PRDM5: variants seen among roughly 807,000 people sequenced by gnomAD.
The protein encoded by PRDM5 is PR domain zinc finger protein 5.
A neutral mutation model predicts 81.2 loss-of-function variants in PRDM5; 56 were observed. The observed-to-expected ratio is 0.69, with a 90% CI of 0.56 to 0.86. The LOEUF is 0.86. Ranked by LOEUF, PRDM5 falls within the 40% of genes least tolerant of loss-of-function variation. The pLI, the probability that PRDM5 is intolerant of heterozygous loss-of-function variation, is 0.00. For missense variants in PRDM5, 697 were observed against 770.1 expected (o/e 0.91, Z 1.12); for synonymous variants, 267 against 256.4 (o/e 1.04, Z -0.39).
At chr4:120,805,444 A>C (rs1342341362) in intron 8 of PRDM5, among the ~76,000 whole-genome samples, 1 of 152,212 alleles carries the variant, frequency 6.6e-6, no homozygotes, top group Non-Finnish European at 1.5e-5. Flanking sequence ...TCGATGCAAA[A>C]ATCCTCGATA....
intron 13 of PRDM5, among the ~76,000 whole-genome samples, chr4:120,775,015 T>C (rs1246035058): frequency 6.6e-6 from 1 of 150,548 alleles, no homozygotes; most frequent in Non-Finnish European, 1.5e-5. Context: ...CAAACACATA[T>C]ATATATAATT....
downstream of PRDM5, among the ~76,000 whole-genome samples, chr4:120,684,705 AT>A (rs1733772799): frequency 6.6e-6 from 1 of 151,994 alleles, no homozygotes; most frequent in South Asian, 2.1e-4. Flanking sequence ...ATTTTATAAT[AT>A]TTCACTACTG....
At chr4:120,898,574 A>C (rs1764908469) in intron 2 of PRDM5, among the ~76,000 whole-genome samples, 1 of 152,070 alleles carries the variant, frequency 6.6e-6, no homozygotes, top group African/African-American at 2.4e-5. Context: ...TCTCTCCAAA[A>C]TTATCACCTC....
chr4:120,809,382 T>TA lies in PRDM5; in HGVS notation c.945+1987dup, dbSNP rs1265350302. ...CGTTGTGCACATGTTCCCTAGAACT[T>TA]AAAGTATAATAAAAAAATACTTTTA... On this transcript the variant is annotated intron_variant, in intron 8 of 15. Coordinates refer to ENST00000264808, the MANE Select transcript of PRDM5 (RefSeq NM_018699.4). 2.0e-5 allele frequency among the ~76,000 whole-genome samples: 3 copies of TA among 151,296 alleles called. No homozygotes were observed. In the Admixed American group the frequency reaches 2.0e-4, roughly 10 times the overall value.
downstream of PRDM5, among the ~76,000 whole-genome samples, chr4:120,690,783 C>T (rs1257163863): frequency 6.6e-6 from 1 of 151,992 alleles, no homozygotes; most frequent in African/African-American, 2.4e-5. Flanking sequence ...TACAGTTTCC[C>T]TTGTCAGGAG....
chr4:120,716,426 C>G (rs1454590420), intron 14 of PRDM5, among the ~76,000 whole-genome samples: 3 of 152,230 alleles, frequency 2.0e-5, no homozygotes, highest in Non-Finnish European at 4.4e-5. Flanking sequence ...TACCTAGAAC[C>G]ATTTAAAGCC....
intron 14 of PRDM5, 55 bp downstream of exon 14, chr4:120,754,498 T>C: frequency 8.0e-7 from 1 of 1,255,412 alleles, no homozygotes; most frequent in Non-Finnish European, 1.1e-6. Context: ...TATATTTCTT[T>C]TAAAATAAGT....
chr4:120,898,367 A>G (rs1435800796), intron 2 of PRDM5, among the ~76,000 whole-genome samples: 1 of 152,224 alleles, frequency 6.6e-6, no homozygotes, highest in Non-Finnish European at 1.5e-5. Context: ...AGGAGACAGC[A>G]ATATTTTTTA....
intron 2 of PRDM5, among the ~76,000 whole-genome samples, chr4:120,881,600 T>A (rs952458348): frequency 6.6e-6 from 1 of 152,198 alleles, no homozygotes; most frequent in African/African-American, 2.4e-5. Flanking sequence ...ATGAGAAAAC[T>A]AACCATATAA....
chr4:120,790,122 T>C (rs902183721), intron 10 of PRDM5, among the ~76,000 whole-genome samples: 2 of 152,186 alleles, frequency 1.3e-5, no homozygotes, highest in Non-Finnish European at 2.9e-5. Flanking sequence ...AACTCATGTC[T>C]CTAATTAAGG....
chr4:120,812,084 T>C (rs1173418879), intron 7 of PRDM5, among the ~76,000 whole-genome samples: 1 of 152,162 alleles, frequency 6.6e-6, no homozygotes, highest in Non-Finnish European at 1.5e-5. Flanking sequence ...ATGAGTTTAA[T>C]AGTTTTAATT....
intron 2 of PRDM5, among the ~76,000 whole-genome samples, chr4:120,884,765 T>G (rs905589815): frequency 2.6e-5 from 4 of 152,158 alleles, no homozygotes; most frequent in Admixed American, 1.3e-4. Flanking sequence ...ATATACCTAC[T>G]CTTTCCTATG....
intron 10 of PRDM5, among the ~76,000 whole-genome samples, chr4:120,785,869 T>A (rs940108020): frequency 1.3e-5 from 2 of 151,800 alleles, no homozygotes; most frequent in African/African-American, 4.8e-5. Flanking sequence ...CAAGAAACAA[T>A]GAAAAGCCAC....
At chr4:120,717,076 A>AAC (rs986122746) in intron 14 of PRDM5, among the ~76,000 whole-genome samples, 3 of 152,110 alleles carry the variant, frequency 2.0e-5, no homozygotes. Flanking sequence ...AAAAAAAAAA[A>AAC]AAACTTCATT....
chr4:120,812,821 A>G (rs1754026910), intron 7 of PRDM5: 1 of 317,350 alleles, frequency 3.2e-6, no homozygotes, highest in South Asian at 2.7e-5. Context: ...AATACTGTAT[A>G]GTATTAAAAG....
At chr4:120,746,018 C>T (rs1272856096) in intron 14 of PRDM5, among the ~76,000 whole-genome samples, 1 of 148,394 alleles carries the variant, frequency 6.7e-6, no homozygotes, top group East Asian at 2.0e-4. Flanking sequence ...CATCACACTA[C>T]CTGACTTCAA....
chr4:120,845,090 C>T (rs934632737), intron 3 of PRDM5, among the ~76,000 whole-genome samples: 1 of 152,094 alleles, frequency 6.6e-6, no homozygotes, highest in Non-Finnish European at 1.5e-5. Context: ...TGGATGCTAG[C>T]AGAATTATGA....
At chr4:120,913,383 T>C (rs1766738488) in intron 1 of PRDM5, among the ~76,000 whole-genome samples, 1 of 152,232 alleles carries the variant, frequency 6.6e-6, no homozygotes, top group Non-Finnish European at 1.5e-5. Flanking sequence ...ATCTGCCAGC[T>C]TCCTGTTAGA....
chr4:120,745,371 C>A (rs1388431144), intron 14 of PRDM5, among the ~76,000 whole-genome samples: 3 of 126,052 alleles, frequency 2.4e-5, no homozygotes, highest in Non-Finnish European at 4.9e-5. Context: ...AAAACTGGCA[C>A]AAGACAGGGA....
Sources: gnomAD v4.1 joint callset for allele counts (sites outside exome capture counted in the v4.1 genomes callset) on GRCh38, gnomAD v4.1.1 for gene constraint, MANE v1.5 for transcripts, NCBI Gene and HGNC (gene_info 2026-07-23, HGNC 2026-07-21) for gene names.